The following IRAK1BP1 variants were observed in gnomAD, a reference collection of about 807,000 sequenced individuals.
IRAK1BP1 encodes the protein interleukin 1 receptor associated kinase 1 binding protein 1, also known as interleukin-1 receptor-associated kinase 1-binding protein 1.
A neutral mutation model predicts 28.0 loss-of-function variants in IRAK1BP1; 24 were observed. The ratio of observed to expected loss-of-function variants is 0.86; its 90% confidence interval spans 0.62 to 1.20. The LOEUF (loss-of-function observed/expected upper bound fraction) is 1.20, where lower values mean the gene tolerates loss of function less well. IRAK1BP1 is among the 50% of genes most tolerant of loss of function. The pLI is 0.00. For missense variants in IRAK1BP1, 336 were observed against 316.7 expected (o/e 1.06, Z -0.46); for synonymous variants, 131 against 116.3 (o/e 1.13, Z -0.81).
chr6:78,910,108 CTG>C (rs1486393050), intron 4 of IRAK1BP1, among the ~76,000 whole-genome samples: 1 of 152,084 alleles, frequency 6.6e-6, no homozygotes, highest in Non-Finnish European at 1.5e-5. Context: ...GGTTGCCAGA[CTG>C]TAATGGAGAG....
At chr6:78,973,656 A>T in the IRAK1BP1 span, among the ~76,000 whole-genome samples, 1 of 147,860 alleles carries the variant, frequency 6.8e-6, no homozygotes, top group Non-Finnish European at 1.5e-5. Context: ...AGACACACAT[A>T]GGCTCAAAAT....
chr6:78,974,327 A>G, the IRAK1BP1 span, among the ~76,000 whole-genome samples: 7 of 151,966 alleles, frequency 4.6e-5, no homozygotes, highest in Non-Finnish European at 8.8e-5. Context: ...TTTGAAACCA[A>G]CGAGAACAAA....
chr6:78,944,021 C>A (rs2127680543), intron 4 of IRAK1BP1, among the ~76,000 whole-genome samples: 1 of 133,988 alleles, frequency 7.5e-6, no homozygotes. Flanking sequence ...AAAGGAAGTG[C>A]TTGATTCTAT....
chr6:78,911,587 T>C (rs1339102704), intron 4 of IRAK1BP1, among the ~76,000 whole-genome samples: 1 of 152,216 alleles, frequency 6.6e-6, no homozygotes, highest in Admixed American at 6.5e-5. Context: ...CCTGCAGGAC[T>C]GCCACCTCAG....
At chr6:78,870,109 CAAAAAAAAAA>C (rs70977749) in intron 1 of IRAK1BP1, among the ~76,000 whole-genome samples, 3 of 41,536 alleles carry the variant, frequency 7.2e-5, no homozygotes, top group Non-Finnish European at 1.2e-4. Context: ...AACTCCGTCC[CAAAAAAAAAA>C]AAAAAAAAAA....
the IRAK1BP1 span, among the ~76,000 whole-genome samples, chr6:78,974,543 A>G: frequency 6.6e-6 from 1 of 152,138 alleles, no homozygotes; most frequent in Non-Finnish European, 1.5e-5. Context: ...GAACTGAAGG[A>G]AATAGAGACA....
In IRAK1BP1 at chr6:78,900,180, G is replaced by C. The variant is rs1772044639; in HGVS notation, c.*1846G>C. Reference sequence around the variant, plus strand: ...GAGACTACCTTGCTGAACAGACCAAGGTCAAACACTGAGATAATAATGATT... The same window carrying C: ...GAGACTACCTTGCTGAACAGACCAACGTCAAACACTGAGATAATAATGATT... On this transcript the variant is annotated 3_prime_UTR_variant, in exon 4 of 4. Transcript: ENST00000369940. 1 of 152,150 alleles carries C rather than the reference G, an allele frequency of 6.6e-6. No homozygotes were observed. Among genetic ancestry groups the C allele is most frequent in the African/African-American group, 2.4e-5 (1 of 41,426 alleles). The allele number at this position is 152,150 out of a possible 1,614,324, so 9.4% of individuals were successfully genotyped here.
At chr6:78,872,151 T>C (rs1475446878) in intron 1 of IRAK1BP1, 2 of 698,384 alleles carry the variant, frequency 2.9e-6, no homozygotes, top group East Asian at 2.7e-5. Flanking sequence ...TGTTCCACCC[T>C]GGTTCCTAGA....
At chr6:78,974,819 C>A in the IRAK1BP1 span, among the ~76,000 whole-genome samples, 1 of 150,746 alleles carries the variant, frequency 6.6e-6, no homozygotes, top group Non-Finnish European at 1.5e-5. Flanking sequence ...CAAGACTAAA[C>A]CAGGAAGAAG....
chr6:78,907,037 C>A (rs566908524), downstream of IRAK1BP1, among the ~76,000 whole-genome samples: 4 of 152,248 alleles, frequency 2.6e-5, no homozygotes, highest in Non-Finnish European at 5.9e-5. Flanking sequence ...CATATTGATA[C>A]AGCTGCTAGG....
At chr6:78,931,041 C>T (rs1773032934) in intron 4 of IRAK1BP1, among the ~76,000 whole-genome samples, 1 of 152,136 alleles carries the variant, frequency 6.6e-6, no homozygotes, top group Non-Finnish European at 1.5e-5. Flanking sequence ...ATTAATTTAT[C>T]TCTGAAAGCC....
the IRAK1BP1 span, among the ~76,000 whole-genome samples, chr6:78,975,505 T>G: frequency 4.6e-5 from 7 of 152,212 alleles, no homozygotes; most frequent in East Asian, 1.2e-3. Flanking sequence ...TTCAACATAG[T>G]GATGGAAGTT....
In IRAK1BP1 at chr6:78,932,427, T is replaced by C. The variant is rs182848696; in HGVS notation, c.*68-12981T>C. Among the ~76,000 whole-genome samples the C allele has an allele frequency of 1.0e-4, 15 of 148,282 alleles. No homozygotes were observed. The East Asian group carries it at 1.4e-3, about 14-fold the overall frequency. ...ATTTCTTTTCTTTCTTTTTCTTTTTTTTTTTTTTTTTGAGATGGAGTTTCG... is the reference window on the plus strand; with the variant it reads ...ATTTCTTTTCTTTCTTTTTCTTTTTCTTTTTTTTTTTGAGATGGAGTTTCG... On this transcript the variant is annotated intron_variant and NMD_transcript_variant, in intron 4 of 4. Coordinates refer to the IRAK1BP1 transcript ENST00000606868.
At chr6:78,960,450 CTTT>C in the IRAK1BP1 span, among the ~76,000 whole-genome samples, 2 of 137,476 alleles carry the variant, frequency 1.5e-5, no homozygotes, top group African/African-American at 2.7e-5. Context: ...TTAGGAATTC[CTTT>C]TTTTTTTTTT....
rs1360918578 is a variant in IRAK1BP1 at position 78,946,173 on chromosome 6, C to A, written c.*833C>A. Reference sequence around the variant, plus strand: ...TTATCTGAGCAGCATTGTGTCTTGGCGGTATTGATCGTGTAGGTGTAGAGA... The same window carrying A: ...TTATCTGAGCAGCATTGTGTCTTGGAGGTATTGATCGTGTAGGTGTAGAGA... On this transcript the variant is annotated 3_prime_UTR_variant and NMD_transcript_variant, in exon 5 of 5. Transcript: ENST00000606868. 10 of 1,613,656 alleles carry A rather than the reference C, an allele frequency of 6.2e-6. No individual in the cohort carries two copies. In the East Asian group the frequency reaches 2.2e-4, roughly 36 times the overall value.
chr6:78,914,798 G>GT (rs1252350734), intron 4 of IRAK1BP1, among the ~76,000 whole-genome samples: 4 of 151,974 alleles, frequency 2.6e-5, no homozygotes, highest in African/African-American at 9.7e-5. Context: ...CAAGTTACAG[G>GT]TTTTTGGTTT....
chr6:78,918,913 G>A lies in IRAK1BP1; in HGVS notation c.*67+15803G>A, dbSNP rs192839460. ...CCACAGAATATAGTTCTTCTCATCT[G>A]CAAATGAAGCATACTCCAAGATTGA... is the stretch of plus-strand genomic sequence containing the variant. On this transcript the variant is annotated intron_variant and NMD_transcript_variant, in intron 4 of 4. Coordinates refer to the IRAK1BP1 transcript ENST00000606868. Among the ~76,000 whole-genome samples the A allele has an allele frequency of 8.7e-4, 132 of 152,278 alleles. 1 individual carries two copies. The South Asian group carries it at 0.01, about 12-fold the overall frequency.
rs1429558232 is a variant in IRAK1BP1 at position 78,940,543 on chromosome 6, A to AGTTT, written c.*68-4860_*68-4857dup. 608 of 85,812 alleles carry AGTTT rather than the reference A, an allele frequency of 7.1e-3. 25 individuals are homozygous for AGTTT. Among genetic ancestry groups the AGTTT allele is most frequent in the African/African-American group, 0.036 (575 of 16,078 alleles). 5.3% of individuals were successfully genotyped at this position (85,812 alleles called of 1,614,324 possible). On this transcript the variant is annotated intron_variant and NMD_transcript_variant, in intron 4 of 4. Coordinates refer to the IRAK1BP1 transcript ENST00000606868. Reference sequence around the variant, plus strand: ...ATTTAAAGAAGTGAAGTGTCTCGTAAGTTTGTTTTTTTTTTTTTTTTTTTT... The same window carrying AGTTT: ...ATTTAAAGAAGTGAAGTGTCTCGTAAGTTTGTTTGTTTTTTTTTTTTTTTTTTTT...
At chr6:78,911,680 G>T (rs1484545623) in intron 4 of IRAK1BP1, among the ~76,000 whole-genome samples, 1 of 152,108 alleles carries the variant, frequency 6.6e-6, no homozygotes, top group East Asian at 1.9e-4. Context: ...TAGCTATTTA[G>T]TTACCTATTT....
Sources: allele counts gnomAD v4.1 joint callset (sites outside exome capture counted in the v4.1 genomes callset), GRCh38; gene constraint gnomAD v4.1.1; transcripts MANE v1.5; gene names NCBI Gene and HGNC (gene_info 2026-07-23, HGNC 2026-07-21).